PLCZ1: variants seen among roughly 807,000 people sequenced by gnomAD.
PLCZ1 encodes phospholipase C zeta 1, also known as 1-phosphatidylinositol 4,5-bisphosphate phosphodiesterase zeta-1.
In PLCZ1, 64 loss-of-function variants were observed where a neutral mutation model predicts 76.8. The ratio of observed to expected loss-of-function variants is 0.83; its 90% CI spans 0.68 to 1.03. The LOEUF (loss-of-function observed/expected upper bound fraction) is 1.03, where lower values mean the gene tolerates loss of function less well. Among genes scored for constraint, PLCZ1 ranks in the 50% least tolerant of loss-of-function variants. The probability of loss-of-function intolerance (pLI) is 0.00; values close to 1 mark genes in which losing one functional copy is unlikely to be tolerated. For synonymous variants in PLCZ1, 248 were observed against 230.8 expected (o/e 1.07, Z -0.68); for missense variants, 751 against 713.7 (o/e 1.05, Z -0.60).
chr12:18,681,823 T>C (rs1212382521), downstream of PLCZ1, among the ~76,000 whole-genome samples: 17 of 152,046 alleles, frequency 1.1e-4, no homozygotes. Flanking sequence ...CAAAGCTTGA[T>C]GGTATAAATG....
intron 5 of PLCZ1, among the ~76,000 whole-genome samples, chr12:18,717,627 C>A: frequency 6.6e-6 from 1 of 152,054 alleles, no homozygotes; most frequent in African/African-American, 2.4e-5. Context: ...ACCACAGAAC[C>A]CTTGCATGTT....
At chr12:18,663,190 C>T in the PLCZ1 span, among the ~76,000 whole-genome samples, 7 of 151,956 alleles carry the variant, frequency 4.6e-5, no homozygotes, top group Non-Finnish European at 8.8e-5. Context: ...AGGTTCATCA[C>T]TTTTATTCAA....
At chr12:18,672,814 G>A in the PLCZ1 span, among the ~76,000 whole-genome samples, 1 of 152,132 alleles carries the variant, frequency 6.6e-6, no homozygotes, top group East Asian at 1.9e-4. Flanking sequence ...GAGCAAGAGG[G>A]CACAGAAATG....
chr12:18,723,691 C>G (rs957949917), intron 3 of PLCZ1, 149 bp from the exon 4 acceptor site: 2 of 749,730 alleles, frequency 2.7e-6, no homozygotes, highest in Admixed American at 2.6e-5. Context: ...ATATACAAAG[C>G]TGCATGGAGT....
At chr12:18,650,355 G>A in the PLCZ1 span, among the ~76,000 whole-genome samples, 13,156 of 124,830 alleles carry the variant, frequency 0.11, 1,112 homozygotes, top group African/African-American at 0.23. Context: ...ATATGTGTGT[G>A]TGTGTGTGTG....
At chr12:18,683,364 TA>T (rs903946208) in intron 14 of PLCZ1, 40 bp from the exon 15 acceptor site, 1 of 1,582,646 alleles carries the variant, frequency 6.3e-7, no homozygotes, top group African/African-American at 1.3e-5. Context: ...AATAACCAAT[TA>T]ATCAGTGGTG....
At chr12:18,654,417 T>C in the PLCZ1 span, among the ~76,000 whole-genome samples, 18 of 152,238 alleles carry the variant, frequency 1.2e-4, no homozygotes, top group Middle Eastern at 3.4e-3. Flanking sequence ...AGTATCAGCA[T>C]TATTGTAAGA....
At chr12:18,715,190 A>G (rs896340981) in intron 5 of PLCZ1, among the ~76,000 whole-genome samples, 59 of 1,752 alleles carry the variant, frequency 0.034, no homozygotes, top group Admixed American at 0.18. Context: ...GGGCGGAGGG[A>G]GGGAGAGAGA....
intron 2 of PLCZ1, among the ~76,000 whole-genome samples, chr12:18,737,106 A>G (rs1193466033): frequency 6.6e-6 from 1 of 152,190 alleles, no homozygotes; most frequent in Non-Finnish European, 1.5e-5. Context: ...TAAGTTTCAG[A>G]TTGTTAGAAC....
chr12:18,671,837 G>C, the PLCZ1 span, among the ~76,000 whole-genome samples: 12,417 of 152,218 alleles, frequency 0.082, 603 homozygotes, highest in Non-Finnish European at 0.11. Context: ...CACAGTTTTG[G>C]AGTTTGAGAA....
rs768998007 is a variant in PLCZ1, at chr12:18,701,561, A to G, written c.957T>C (p.Asn319=). Residue 319 remains asparagine, a synonymous_variant, in exon 9 of 15, where the codon AAT becomes AAC. Transcript: ENST00000266505. The part of the protein sequence containing the change: ...ERKGSDKRGD[N]QDKETGVKKL... ...TTTTTACCCCTGTTTCCTTGTCTTGATTGTCTCCTAAAACAGATTCCAATA... is the reference window on the plus strand; with the variant it reads ...TTTTTACCCCTGTTTCCTTGTCTTGGTTGTCTCCTAAAACAGATTCCAATA... 1.9e-5 allele frequency: 30 copies of G among 1,613,302 alleles called. No homozygotes were observed. Among genetic ancestry groups the G allele is most frequent in the South Asian group, 1.6e-4 (15 of 91,036 alleles).
intron 10 of PLCZ1, 52 bp from the exon 11 acceptor site, chr12:18,696,318 G>T (rs907684781): frequency 5.9e-6 from 2 of 340,754 alleles, no homozygotes; most frequent in Non-Finnish European, 9.8e-6. Flanking sequence ...AATTTAAAAA[G>T]CCACTATATA....
chr12:18,656,910 C>T, the PLCZ1 span, among the ~76,000 whole-genome samples: 1 of 152,162 alleles, frequency 6.6e-6, no homozygotes, highest in South Asian at 2.1e-4. Flanking sequence ...GTTAAAGTTA[C>T]TTTGGCCCCA....
the PLCZ1 span, among the ~76,000 whole-genome samples, chr12:18,660,628 T>G: frequency 7.4e-3 from 1,125 of 152,270 alleles, 17 homozygotes; most frequent in African/African-American, 0.026. Flanking sequence ...TACCTCAGGC[T>G]GGTCCTTGGC....
intron 6 of PLCZ1, among the ~76,000 whole-genome samples, chr12:18,706,850 T>A (rs905877263): frequency 1.3e-5 from 2 of 152,172 alleles, no homozygotes; most frequent in Non-Finnish European, 2.9e-5. Flanking sequence ...AACAACAACA[T>A]TTATTCTCTC....
the PLCZ1 span, among the ~76,000 whole-genome samples, chr12:18,668,577 A>G: frequency 6.6e-6 from 1 of 152,126 alleles, no homozygotes; most frequent in Non-Finnish European, 1.5e-5. Context: ...ATGCTGGACC[A>G]TCATCTTCTG....
chr12:18,658,466 A>G, the PLCZ1 span, among the ~76,000 whole-genome samples: 2 of 152,142 alleles, frequency 1.3e-5, no homozygotes, highest in East Asian at 3.9e-4. Flanking sequence ...TGCACAAGAA[A>G]TCCTCAATAA....
intron 6 of PLCZ1, 79 bp downstream of exon 6, chr12:18,712,763 G>C: frequency 6.6e-7 from 1 of 1,512,010 alleles, no homozygotes; most frequent in East Asian, 2.3e-5. Flanking sequence ...GTAAGGCTAA[G>C]CATTATAGGA....
intron 3 of PLCZ1, among the ~76,000 whole-genome samples, chr12:18,734,381 C>T (rs544706905): frequency 8.5e-5 from 13 of 152,198 alleles, no homozygotes; most frequent in South Asian, 6.2e-4. Flanking sequence ...TGAGGACTCT[C>T]GCTCTGTTGC....
Sources: allele counts gnomAD v4.1 joint callset (sites outside exome capture counted in the v4.1 genomes callset), GRCh38; gene constraint gnomAD v4.1.1; transcripts MANE v1.5; gene names NCBI Gene and HGNC (gene_info 2026-07-23, HGNC 2026-07-21).